Variants in FBN1 observed in about 807,000 individuals in gnomAD.
FBN1 encodes the protein fibrillin-1.
FBN1 carries 29 observed loss-of-function variants against 365.1 expected under a neutral mutation model. That is an observed-to-expected ratio of 0.08 (90% CI 0.06 to 0.11). FBN1 has a LOEUF of 0.11. FBN1 is among the 10% of genes least tolerant of loss of function. The pLI, the probability that FBN1 is intolerant of heterozygous loss-of-function variation, is 1.00. For synonymous variants in FBN1, 1,210 were observed against 1,270.5 expected (o/e 0.95, Z 1.01); for missense variants, 2,476 against 3,703.2 (o/e 0.67, Z 8.60).
intron 30 of FBN1, among the ~76,000 whole-genome samples, chr15:48,484,453 C>G (rs913384349): frequency 6.6e-6 from 1 of 151,702 alleles, no homozygotes; most frequent in African/African-American, 2.4e-5. Context: ...CTCACTGCAA[C>G]CACCGCCTCC....
intron 7 of FBN1, among the ~76,000 whole-genome samples, 162 bp downstream of exon 7, chr15:48,537,449 G>A (rs570322778): frequency 4.5e-4 from 69 of 152,310 alleles, no homozygotes; most frequent in Non-Finnish European, 8.4e-4. Flanking sequence ...CTGCTCTCTC[G>A]AGAGCCACGT....
Position 48,542,740 on chromosome 15 carries a change from A to G in FBN1, c.539-4932T>C, listed in dbSNP as rs375438762. On this transcript the variant is annotated intron_variant, in intron 6 of 65. Coordinates refer to ENST00000316623, the MANE Select transcript of FBN1 (RefSeq NM_000138.5). ...TGGGGCCCAGGCATATACGTCTTGC[A>G]AAAGCTCCCCAAGATTATTTCTGCC... Among the ~76,000 whole-genome samples the G allele has an allele frequency of 2.4e-4, 36 of 150,728 alleles. No homozygotes were observed. The East Asian group carries it at 3.5e-3, about 15-fold the overall frequency.
intron 15 of FBN1, among the ~76,000 whole-genome samples, chr15:48,507,094 A>G (rs2043715208): frequency 6.6e-6 from 1 of 152,192 alleles, no homozygotes; most frequent in African/African-American, 2.4e-5. Context: ...AGCATTATCT[A>G]TTGGCCATAC....
chr15:48,556,338 A>G (rs1597603303), intron 6 of FBN1, among the ~76,000 whole-genome samples: 1 of 152,350 alleles, frequency 6.6e-6, no homozygotes, highest in East Asian at 1.9e-4. Context: ...CCAAGCTTCA[A>G]CCATGGCAGA....
At chr15:48,613,168 A>T in intron 2 of FBN1, 76 bp from the exon 3 acceptor site, 1 of 1,149,426 alleles carries the variant, frequency 8.7e-7, no homozygotes, top group South Asian at 1.2e-5. Context: ...AAAGGAAAAA[A>T]AATTCCTGAG....
intron 6 of FBN1, among the ~76,000 whole-genome samples, chr15:48,556,096 T>A (rs1392157761): frequency 6.6e-6 from 1 of 152,188 alleles, no homozygotes; most frequent in African/African-American, 2.4e-5. Flanking sequence ...GCAACATCTA[T>A]GATTTTAATT....
At chr15:48,514,105 T>C (rs541538443) in intron 12 of FBN1, among the ~76,000 whole-genome samples, 1 of 152,280 alleles carries the variant, frequency 6.6e-6, no homozygotes, top group African/African-American at 2.4e-5. Context: ...GAACAAAACA[T>C]GAAGCAACTG....
At chr15:48,589,636 T>C (rs2448486) in intron 6 of FBN1, among the ~76,000 whole-genome samples, 47,724 of 136,960 alleles carry the variant, frequency 0.35, 10,185 homozygotes, top group African/African-American at 0.62. Flanking sequence ...TTTTTTGAGA[T>C]GGCGTCTCGC....
intron 6 of FBN1, among the ~76,000 whole-genome samples, chr15:48,541,593 G>A (rs1022769881): frequency 6.6e-6 from 1 of 152,138 alleles, no homozygotes; most frequent in Admixed American, 6.5e-5. Flanking sequence ...AGATTGCCAA[G>A]GTTATGCTGT....
chr15:48,446,990 G>A (rs1359629805), intron 46 of FBN1, among the ~76,000 whole-genome samples, 168 bp from the exon 47 acceptor site: 9 of 152,182 alleles, frequency 5.9e-5, no homozygotes, highest in African/African-American at 2.2e-4. Context: ...AAGATACCAG[G>A]CAGCGGCAAA....
In FBN1 at chr15:48,496,084, CAA is replaced by C; in HGVS notation, c.2419+14_2419+15del. 6.2e-7 allele frequency: 1 copy of C among 1,613,520 alleles called. No individual in the cohort carries two copies. The highest frequency in any genetic ancestry group is 1.1e-5 in the South Asian group (1 of 91,062). ...GATAGCAAAGTACACAGTATAAGAA[CAA>C]AAATATGGTTTACCTTCACATGTTT... On this transcript the variant is annotated intron_variant, in intron 20 of 65. Coordinates refer to ENST00000316623, the MANE Select transcript of FBN1 (RefSeq NM_000138.5).
intron 27 of FBN1, 53 bp downstream of exon 27, chr15:48,488,060 A>G (rs1403406190): frequency 6.2e-7 from 1 of 1,612,928 alleles, no homozygotes; most frequent in Non-Finnish European, 8.5e-7. Flanking sequence ...TGAGCCATCA[A>G]AGCTTCATGG....
chr15:48,445,173 C>CATATATATATGTAT (rs2043145987), intron 48 of FBN1, among the ~76,000 whole-genome samples: 1 of 138,508 alleles, frequency 7.2e-6, no homozygotes, highest in Non-Finnish European at 1.6e-5. Flanking sequence ...TATATACACA[C>CATATATATATGTAT]ATATATATAT....
chr15:48,577,371 T>C (rs945216593), intron 6 of FBN1, among the ~76,000 whole-genome samples: 2 of 152,098 alleles, frequency 1.3e-5, no homozygotes, highest in Admixed American at 6.6e-5. Context: ...TGAACCAAAG[T>C]TTTTCCTTTC....
At chr15:48,565,616 T>C (rs1442504104) in intron 6 of FBN1, among the ~76,000 whole-genome samples, 2 of 144,582 alleles carry the variant, frequency 1.4e-5, no homozygotes, top group Admixed American at 1.3e-4. Flanking sequence ...TAAATGATGT[T>C]CAATGTGATA....
chr15:48,644,847 G>T lies in FBN1; in HGVS notation c.-78C>A, dbSNP rs565240426. The T allele has an allele frequency of 1.5e-6, 2 of 1,325,810 alleles. No homozygotes were observed. The highest frequency in any genetic ancestry group is 1.9e-6 in the Non-Finnish European group (2 of 1,039,794). The allele number at this position is 1,325,810 out of a possible 1,614,324, so 82.1% of individuals were successfully genotyped here. A position where few individuals can be genotyped will look rare whatever the true frequency, so the allele number is the denominator to read the frequency against. On this transcript the variant is annotated 5_prime_UTR_variant, in exon 2 of 66. Transcript: ENST00000316623. ...TCTGCGGCCGCCGCTGCGCCCTGAA[G>T]CGCACCGCGCCGCCGGGGTCCCGCT...
In FBN1 at chr15:48,496,405, C is replaced by T. The variant is rs77732998; in HGVS notation, c.2294-180G>A. 3.5e-3 allele frequency among the ~76,000 whole-genome samples: 536 copies of T among 152,250 alleles called. 20 individuals carry two copies. The East Asian group carries it at 0.053, about 15-fold the overall frequency. ...TCATTTTAGGAAAACAGAGGCTTGACCTGGTTTTAAACTAAGTATCTAAAC... is the reference window on the plus strand; with the variant it reads ...TCATTTTAGGAAAACAGAGGCTTGATCTGGTTTTAAACTAAGTATCTAAAC... On this transcript the variant is annotated intron_variant, in intron 19 of 65. Transcript: ENST00000316623.
At chr15:48,577,608 C>G (rs913683405) in intron 6 of FBN1, among the ~76,000 whole-genome samples, 1 of 152,118 alleles carries the variant, frequency 6.6e-6, no homozygotes, top group Non-Finnish European at 1.5e-5. Context: ...AGAAAACAGA[C>G]AGACTGGCCT....
chr15:48,437,641 G>T, intron 51 of FBN1, 127 bp downstream of exon 51: 1 of 1,083,232 alleles, frequency 9.2e-7, no homozygotes. Context: ...AATTTTTAAT[G>T]AACATTCTAA....
Sources: gnomAD v4.1 joint callset for allele counts (sites outside exome capture counted in the v4.1 genomes callset) on GRCh38, gnomAD v4.1.1 for gene constraint, MANE v1.5 for transcripts, NCBI Gene and HGNC (gene_info 2026-07-23, HGNC 2026-07-21) for gene names.